The following ARHGEF4 variants were observed in gnomAD, a reference collection of about 807,000 sequenced individuals.
ARHGEF4 encodes APC-stimulated guanine nucleotide exchange factor 1.
Under a neutral mutation model 162.0 loss-of-function variants are expected in ARHGEF4, and 119 were observed. The observed-to-expected ratio is 0.73, with a 90% CI of 0.63 to 0.86. ARHGEF4 has a LOEUF of 0.86. Ranked by LOEUF, ARHGEF4 falls within the 40% of genes least tolerant of loss-of-function variation. The pLI is 0.00. For missense variants in ARHGEF4, 2,488 were observed against 2,456.0 expected, an observed-to-expected ratio of 1.01 and a Z score of -0.28; for synonymous variants, 1,014 against 979.9, an observed-to-expected ratio of 1.03 and a Z score of -0.65.
At chr2:130,852,026 T>C (rs1461597935) in intron 1 of ARHGEF4, among the ~76,000 whole-genome samples, 5 of 152,262 alleles carry the variant, frequency 3.3e-5, no homozygotes, top group Non-Finnish European at 7.3e-5. Context: ...CAGCACTTTA[T>C]CCGTAGCTAT....
At chr2:130,873,056 T>C (rs1387398899) in intron 1 of ARHGEF4, among the ~76,000 whole-genome samples, 1 of 152,220 alleles carries the variant, frequency 6.6e-6, no homozygotes, top group Non-Finnish European at 1.5e-5. Flanking sequence ...TCGTGCTCTT[T>C]TGCTGCCTTC....
intron 4 of ARHGEF4, among the ~76,000 whole-genome samples, chr2:130,971,014 ATGTT>A (rs1165045503): frequency 6.6e-6 from 1 of 152,088 alleles, no homozygotes; most frequent in East Asian, 1.9e-4. Flanking sequence ...AGTTTCTTTT[ATGTT>A]TGTTTCCTTC....
At chr2:131,037,105 T>C (rs1263452987) in intron 5 of ARHGEF4, among the ~76,000 whole-genome samples, 1 of 152,176 alleles carries the variant, frequency 6.6e-6, no homozygotes, top group East Asian at 1.9e-4. Flanking sequence ...CAGGGCTCTG[T>C]GCCTGGGACC....
chr2:131,039,476 T>C, intron 6 of ARHGEF4: 2 of 1,019,178 alleles, frequency 2.0e-6, no homozygotes, highest in Non-Finnish European at 2.3e-6. Flanking sequence ...TCTAAGGGGG[T>C]CTCCAGTCTT....
At chr2:131,017,922 C>G (rs1304689002) in intron 4 of ARHGEF4, among the ~76,000 whole-genome samples, 1 of 152,040 alleles carries the variant, frequency 6.6e-6, no homozygotes, top group Non-Finnish European at 1.5e-5. Context: ...GGATTTTTTT[C>G]TAGCTATAGA....
chr2:130,905,858 T>C (rs1252162011), intron 1 of ARHGEF4, among the ~76,000 whole-genome samples: 2 of 152,156 alleles, frequency 1.3e-5, no homozygotes, highest in African/African-American at 4.8e-5. Flanking sequence ...GTATATAGGG[T>C]TCAATACTAT....
At chr2:130,989,730 T>C (rs1686813730) in intron 4 of ARHGEF4, among the ~76,000 whole-genome samples, 1 of 152,168 alleles carries the variant, frequency 6.6e-6, no homozygotes. Flanking sequence ...GATTTGTGAG[T>C]GGGGTGAAGT....
intron 1 of ARHGEF4, among the ~76,000 whole-genome samples, chr2:130,896,417 C>T (rs1360730587): frequency 1.3e-5 from 2 of 152,202 alleles, no homozygotes; most frequent in African/African-American, 4.8e-5. Flanking sequence ...GCTGCCATGC[C>T]ATGTAACTGT....
At position 131,046,800 on chromosome 2, in the gene ARHGEF4, T is replaced by G. The variant is rs1415308505; in HGVS notation, c.*611T>G. On this transcript the variant is annotated 3_prime_UTR_variant, in exon 14 of 14. Coordinates refer to ENST00000409359, the MANE Select transcript of ARHGEF4 (RefSeq NM_001367493.1). ...GCTGGACACCCTCTTCACTTGTGTG[T>G]GTGTGTGTAGCGGAAAAGGACAAGA... 1 of 152,886 alleles carries G rather than the reference T, an allele frequency of 6.5e-6. No individual in the cohort carries two copies. Among genetic ancestry groups the G allele is most frequent in the African/African-American group, 2.4e-5 (1 of 41,450 alleles). The allele number at this position is 152,886 out of a possible 1,614,324, so 9.5% of individuals were successfully genotyped here. A position where few individuals can be genotyped will look rare whatever the true frequency, so the allele number is the denominator to read the frequency against.
chr2:130,930,897 C>G (rs1682588141), intron 2 of ARHGEF4, 55 bp from the exon 3 acceptor site: 1 of 1,516,594 alleles, frequency 6.6e-7, no homozygotes, highest in Non-Finnish European at 8.9e-7. Flanking sequence ...CAGCGTGTTC[C>G]CAGTTGATAT....
intron 4 of ARHGEF4, among the ~76,000 whole-genome samples, chr2:130,961,204 A>G (rs563523019): frequency 6.6e-5 from 10 of 152,204 alleles, no homozygotes; most frequent in African/African-American, 2.4e-4. Context: ...GGTGCGCTGT[A>G]CTCCCTGGAC....
At chr2:131,029,551 CTTTTT>C (rs70994734) in intron 5 of ARHGEF4, among the ~76,000 whole-genome samples, 24 of 140,926 alleles carry the variant, frequency 1.7e-4, no homozygotes, top group Non-Finnish European at 2.2e-4. Flanking sequence ...TGTGCTTTTC[CTTTTT>C]TTTTTTTTTT....
intron 4 of ARHGEF4, among the ~76,000 whole-genome samples, chr2:130,952,122 G>A (rs894715737): frequency 2.0e-5 from 3 of 151,948 alleles, no homozygotes; most frequent in Non-Finnish European, 4.4e-5. Context: ...TACTCTTTTT[G>A]TATTCATGTG....
At chr2:131,024,159 A>T (rs1375415418) in intron 4 of ARHGEF4, among the ~76,000 whole-genome samples, 2 of 152,218 alleles carry the variant, frequency 1.3e-5, no homozygotes, top group African/African-American at 4.8e-5. Flanking sequence ...TGAAAGCTAG[A>T]CCATTGACGG....
chr2:130,879,926 C>T (rs746669610), intron 1 of ARHGEF4, among the ~76,000 whole-genome samples: 4 of 152,072 alleles, frequency 2.6e-5, no homozygotes, highest in Non-Finnish European at 4.4e-5. Flanking sequence ...CTACAGATGA[C>T]GTCCTTCCTT....
At chr2:130,889,766 C>T (rs1471465492) in intron 1 of ARHGEF4, among the ~76,000 whole-genome samples, 2 of 145,186 alleles carry the variant, frequency 1.4e-5, no homozygotes, top group Non-Finnish European at 3.0e-5. Context: ...GAGCCAAGAT[C>T]GAGCCACTGC....
chr2:130,992,611 G>C (rs548323419), intron 4 of ARHGEF4, among the ~76,000 whole-genome samples: 2 of 151,974 alleles, frequency 1.3e-5, no homozygotes, highest in South Asian at 2.1e-4. Flanking sequence ...CTCCAGACGC[G>C]CCACCTTAAG....
At chr2:130,977,176 GTGTGT>G (rs1023576407) in intron 4 of ARHGEF4, among the ~76,000 whole-genome samples, 9 of 151,740 alleles carry the variant, frequency 5.9e-5, no homozygotes, top group East Asian at 1.9e-4. Context: ...TCTGTGTATT[GTGTGT>G]TGTGTTTGTG....
chr2:130,841,612 C>T (rs1479966039), intron 1 of ARHGEF4, among the ~76,000 whole-genome samples: 2 of 152,152 alleles, frequency 1.3e-5, no homozygotes, highest in African/African-American at 2.4e-5. Flanking sequence ...GGAAGGTCTT[C>T]CGTCATCATC....
Sources: gnomAD v4.1 joint callset for allele counts (sites outside exome capture counted in the v4.1 genomes callset) on GRCh38, gnomAD v4.1.1 for gene constraint, MANE v1.5 for transcripts, NCBI Gene and HGNC (gene_info 2026-07-23, HGNC 2026-07-21) for gene names.